The following MKLN1 variants were observed in gnomAD, a reference collection of about 807,000 sequenced individuals.
MKLN1 encodes the protein muskelin.
In MKLN1, 18 loss-of-function variants were observed where a neutral mutation model predicts 99.0. That is an observed-to-expected ratio of 0.18 (90% CI 0.13 to 0.27). The LOEUF (loss-of-function observed/expected upper bound fraction) is 0.27. Among genes scored for constraint, MKLN1 ranks in the 10% least tolerant of loss-of-function variants. The pLI is 1.00. For missense variants in MKLN1, 621 were observed against 875.9 expected, an observed-to-expected ratio of 0.71 and a Z score of 3.67; for synonymous variants, 288 against 293.2, an observed-to-expected ratio of 0.98 and a Z score of 0.18.
chr7:131,309,726 T>TTTTTTTTC (rs1798529365), intron 3 of MKLN1: 1 of 139,124 alleles, frequency 7.2e-6, no homozygotes, highest in Admixed American at 7.5e-5. Context: ...AGTGGATTTT[T>TTTTTTTTC]TTTTTTTTTT....
At chr7:131,278,838 G>A (rs1158457984) in intron 3 of MKLN1, among the ~76,000 whole-genome samples, 1 of 151,976 alleles carries the variant, frequency 6.6e-6, no homozygotes, top group Non-Finnish European at 1.5e-5. Flanking sequence ...GGCCTCAAGA[G>A]ATCCTCCCAC....
In MKLN1 at chr7:131,390,505, G is replaced by A. The variant is rs377559606; in HGVS notation, c.400+1533G>A. On this transcript the variant is annotated intron_variant, in intron 4 of 17. Transcript: ENST00000352689. ...TCCCCTTTCTTTTCTTTTTTGCTGA[G>A]TATTTGAATATGTGCACTTAAAAAA... Among the ~76,000 whole-genome samples the A allele has an allele frequency of 5.3e-5, 8 of 151,882 alleles. No individual in the cohort carries two copies. In the East Asian group the frequency reaches 1.5e-3, roughly 29 times the overall value.
At chr7:131,293,843 T>C (rs1339780390) in intron 3 of MKLN1, among the ~76,000 whole-genome samples, 1 of 152,122 alleles carries the variant, frequency 6.6e-6, no homozygotes, top group Non-Finnish European at 1.5e-5. Context: ...GTCAGTGTCA[T>C]GAAAAGCAAA....
At chr7:131,290,414 G>A (rs1034322738) in intron 3 of MKLN1, among the ~76,000 whole-genome samples, 1 of 152,154 alleles carries the variant, frequency 6.6e-6, no homozygotes, top group Non-Finnish European at 1.5e-5. Context: ...TTGCAAATTT[G>A]TTTTTCACCT....
chr7:131,383,109 G>C (rs1563321662), intron 2 of MKLN1, among the ~76,000 whole-genome samples: 1 of 152,122 alleles, frequency 6.6e-6, no homozygotes, highest in Non-Finnish European at 1.5e-5. Context: ...AATCCTGAAT[G>C]GATATTGAAT....
chr7:131,164,617 C>T (rs1796097641), intron 2 of MKLN1, among the ~76,000 whole-genome samples: 1 of 152,182 alleles, frequency 6.6e-6, no homozygotes, highest in Non-Finnish European at 1.5e-5. Context: ...AGTGCCCCTT[C>T]ATTAGGTTCA....
At chr7:131,428,754 T>C (rs901705432) in intron 8 of MKLN1, among the ~76,000 whole-genome samples, 1 of 152,174 alleles carries the variant, frequency 6.6e-6, no homozygotes, top group Admixed American at 6.5e-5. Flanking sequence ...TTTTTACCCA[T>C]TGAAAACCTG....
chr7:131,465,081 CCTTT>C (rs144170120), intron 14 of MKLN1, among the ~76,000 whole-genome samples: 2,490 of 152,032 alleles, frequency 0.016, 45 homozygotes, highest in African/African-American at 0.054. Flanking sequence ...GAGTAAAAGC[CCTTT>C]CTTTTATAAC....
chr7:131,486,289 T>C (rs1050886918), intron 17 of MKLN1, among the ~76,000 whole-genome samples: 6 of 151,752 alleles, frequency 4.0e-5, no homozygotes, highest in Non-Finnish European at 7.4e-5. Flanking sequence ...ATAGGAAGAC[T>C]CTAATCTCAC....
In MKLN1 at chr7:131,487,400, A is replaced by G. The variant is rs532266378; in HGVS notation, c.2087-207A>G. 2.0e-5 allele frequency among the ~76,000 whole-genome samples: 3 copies of G among 152,186 alleles called. No homozygotes were observed. Among genetic ancestry groups the G allele is most frequent in the Non-Finnish European group, 2.9e-5 (2 of 68,020 alleles). ...ATCACATACTTACAGCTGAGGAAGC[A>G]AAGTCTGAAAGCCAGAAAGTCTGAC... On this transcript the variant is annotated intron_variant, in intron 17 of 17. Transcript: ENST00000352689. This position sits in a 1 kb window ranked among gnomAD's most constrained non-coding sequence, Gnocchi z 4.7.
intron 9 of MKLN1, among the ~76,000 whole-genome samples, chr7:131,436,871 A>G (rs1795689754): frequency 6.6e-6 from 1 of 151,952 alleles, no homozygotes; most frequent in African/African-American, 2.4e-5. Context: ...ATTATTCCCT[A>G]TTTATTTACT....
At chr7:131,282,431 G>T (rs1489585497) in intron 3 of MKLN1, among the ~76,000 whole-genome samples, 1 of 150,696 alleles carries the variant, frequency 6.6e-6, no homozygotes, top group Non-Finnish European at 1.5e-5. Context: ...CAAAAAGTAA[G>T]ACATAAACTT....
rs138767667 is a variant in MKLN1, at chr7:131,327,990, C to G, written c.91C>G (p.Leu31Val). The change falls in exon 1 of 18, where the codon CTT (leucine) becomes GTT (valine). Residue 31 changes from leucine (L) to valine (V), a missense_variant. Leu to Val is a conservative substitution (Grantham distance 32). Around this residue, in one of 8 missense-constraint regions of MKLN1, gnomAD observed 58 missense variants for 40.0 expected, o/e 1.45. Coordinates refer to ENST00000352689, the MANE Select transcript of MKLN1 (RefSeq NM_013255.5). Reference sequence around the variant, plus strand: ...GTGGAGCTCCTTTTCCTCCACCTACCTTCCCGAGTAAGTGCCGGGCCTTGA... The same window carrying G: ...GTGGAGCTCCTTTTCCTCCACCTACGTTCCCGAGTAAGTGCCGGGCCTTGA... ...HKWSSFSSTY[L>V]PENILVDKPN... The G allele has an allele frequency of 1.9e-6, 3 of 1,613,774 alleles. No individual in the cohort carries two copies. The African/African-American group carries it at 4.0e-5, about 22-fold the overall frequency.
intron 12 of MKLN1, among the ~76,000 whole-genome samples, chr7:131,457,264 C>A (rs868036305): frequency 2.7e-5 from 4 of 146,792 alleles, no homozygotes; most frequent in Non-Finnish European, 6.0e-5. Context: ...GCAACAAGAG[C>A]GAAACTCCAT....
intron 2 of MKLN1, among the ~76,000 whole-genome samples, chr7:131,166,295 C>T (rs1045719996): frequency 2.0e-5 from 3 of 152,042 alleles, no homozygotes; most frequent in South Asian, 2.1e-4. Flanking sequence ...GGAGGTTTGC[C>T]GGGAAAGATG....
At chr7:131,480,914 G>T (rs1462748843) in intron 17 of MKLN1, among the ~76,000 whole-genome samples, 1 of 152,226 alleles carries the variant, frequency 6.6e-6, no homozygotes, top group Non-Finnish European at 1.5e-5. Context: ...GAATTTCTTG[G>T]CAGCAATTTA....
At chr7:131,406,789 A>T (rs1338778158) in intron 6 of MKLN1, among the ~76,000 whole-genome samples, 1 of 152,050 alleles carries the variant, frequency 6.6e-6, no homozygotes, top group Non-Finnish European at 1.5e-5. Flanking sequence ...TACATTTTGA[A>T]TATCATTCGA....
At chr7:131,223,428 C>A (rs1229543605) in intron 3 of MKLN1, among the ~76,000 whole-genome samples, 1 of 152,154 alleles carries the variant, frequency 6.6e-6, no homozygotes, top group East Asian at 1.9e-4. Flanking sequence ...ATGACTTTGC[C>A]TAGTAAAACT....
rs1797208929 is a variant in MKLN1, at chr7:131,484,222, A to G, written c.2087-3385A>G. 2.0e-5 allele frequency among the ~76,000 whole-genome samples: 3 copies of G among 152,266 alleles called. No individual in the cohort carries two copies. The South Asian group carries it at 6.2e-4, about 32-fold the overall frequency. On this transcript the variant is annotated intron_variant, in intron 17 of 17. Transcript: ENST00000352689. ...CATAGGTAAATAGTAAATAAAAATA[A>G]AAGATGTGCCTTTGAGAGTTAAATG...
Sources: gnomAD v4.1 joint callset for allele counts (sites outside exome capture counted in the v4.1 genomes callset) on GRCh38, gnomAD v4.1.1 for gene constraint, gnomAD v4.1.1 regional missense constraint, Gnocchi (gnomAD v3.1) non-coding constraint, MANE v1.5 for transcripts, NCBI Gene and HGNC (gene_info 2026-07-23, HGNC 2026-07-21) for gene names.